Variants in DLGAP2 observed in about 807,000 individuals in gnomAD.
DLGAP2 encodes the protein disks large-associated protein 2.
In DLGAP2, 26 loss-of-function variants were observed where a neutral mutation model predicts 100.3. That is an observed-to-expected ratio of 0.26 (90% CI 0.19 to 0.36). The LOEUF (loss-of-function observed/expected upper bound fraction) is 0.36. DLGAP2 is among the 10% of genes least tolerant of loss of function. DLGAP2 has a pLI of 1.00. For missense variants in DLGAP2, 1,858 were observed against 1,453.2 expected, an observed-to-expected ratio of 1.28 and a Z score of -4.53; for synonymous variants, 886 against 630.1, an observed-to-expected ratio of 1.41 and a Z score of -6.08.
At chr8:831,638 C>T (rs1368473922) in intron 1 of DLGAP2, among the ~76,000 whole-genome samples, 16 of 152,064 alleles carry the variant, frequency 1.1e-4, no homozygotes, top group Non-Finnish European at 8.8e-5. Flanking sequence ...GGGTTGGTTC[C>T]AAGTCTTTGC....
At chr8:1,448,096 C>A (rs1475198628) in intron 3 of DLGAP2, among the ~76,000 whole-genome samples, 1 of 152,120 alleles carries the variant, frequency 6.6e-6, no homozygotes, top group East Asian at 1.9e-4. Context: ...TTCAGTTCTG[C>A]TCTGATTTTA....
intron 3 of DLGAP2, among the ~76,000 whole-genome samples, chr8:1,420,612 C>G (rs968071203): frequency 6.6e-6 from 1 of 152,170 alleles, no homozygotes; most frequent in Non-Finnish European, 1.5e-5. Flanking sequence ...ATGTCAAAGC[C>G]TGTGGGTCAA....
intron 2 of DLGAP2, among the ~76,000 whole-genome samples, chr8:989,142 A>G (rs1301529722): frequency 2.0e-5 from 3 of 152,088 alleles, no homozygotes. Flanking sequence ...CCTGCGCGGC[A>G]CCACCTTGCC....
intron 2 of DLGAP2, among the ~76,000 whole-genome samples, chr8:943,330 A>ATTTT (rs1799237545): frequency 1.3e-5 from 2 of 152,142 alleles, no homozygotes. Flanking sequence ...GAGATTTTAC[A>ATTTT]TTTTTTAATG....
At chr8:1,039,841 CAT>C (rs1802266831) in intron 2 of DLGAP2, among the ~76,000 whole-genome samples, 6 of 145,678 alleles carry the variant, frequency 4.1e-5, no homozygotes, top group Non-Finnish European at 1.5e-5. Flanking sequence ...GCTCGGTGTG[CAT>C]GTTCAGCTCG....
In DLGAP2 at chr8:1,633,025, T is replaced by C; in HGVS notation, c.1789T>C (p.Ser597Pro). Reference protein sequence around the residue: ...IPMMTPSDITSTIRSTAAVSY... With the variant: ...IPMMTPSDITPTIRSTAAVSY... ...CATGATGACACCCTCTGACATCACC[T>C]CCACCATCAGGTCAACAGCAGGTAA... is the stretch of plus-strand genomic sequence containing the variant. Residue 597 changes from serine (S) to proline (P), a missense_variant, in exon 8 of 15, where the codon TCC becomes CCC. Ser to Pro is a moderately conservative substitution (Grantham distance 74). Coordinates refer to ENST00000637795, the MANE Select transcript of DLGAP2 (RefSeq NM_001346810.2). The C allele has an allele frequency of 1.2e-6, 2 of 1,613,876 alleles. No homozygotes were observed. Among genetic ancestry groups the C allele is most frequent in the Non-Finnish European group, 1.7e-6 (2 of 1,179,884 alleles).
chr8:1,501,910 C>A (rs1344254906), intron 4 of DLGAP2, among the ~76,000 whole-genome samples: 1 of 152,168 alleles, frequency 6.6e-6, no homozygotes, highest in Non-Finnish European at 1.5e-5. Flanking sequence ...GACACACTTT[C>A]CCCGATGCTG....
At chr8:1,530,656 A>G (rs1209623478) in intron 4 of DLGAP2, among the ~76,000 whole-genome samples, 2 of 152,228 alleles carry the variant, frequency 1.3e-5, no homozygotes, top group Non-Finnish European at 2.9e-5. Flanking sequence ...TGCAGTAAAG[A>G]CAGGCATAAG....
intron 1 of DLGAP2, among the ~76,000 whole-genome samples, chr8:805,395 C>A (rs974827468): frequency 5.3e-5 from 8 of 152,086 alleles, no homozygotes; most frequent in African/African-American, 1.7e-4. Context: ...GGCTTTCTTC[C>A]TATGGTGCTT....
At chr8:848,057 T>C (rs749898633) in intron 1 of DLGAP2, among the ~76,000 whole-genome samples, 2 of 152,208 alleles carry the variant, frequency 1.3e-5, no homozygotes, top group Non-Finnish European at 2.9e-5. Flanking sequence ...CTGTGTTTCC[T>C]GTTGCCCTGC....
intron 3 of DLGAP2, among the ~76,000 whole-genome samples, chr8:1,464,433 C>A (rs1798562328): frequency 7.0e-6 from 1 of 142,348 alleles, no homozygotes; most frequent in African/African-American, 2.6e-5. Context: ...AGGCTGGCTT[C>A]CTTCCAGCTG....
At position 1,614,099 on chromosome 8, in the gene DLGAP2, C is replaced by G. The variant is rs1051135770; in HGVS notation, c.1443-12641C>G. Among the ~76,000 whole-genome samples, 6 of 152,258 alleles carry G rather than the reference C, an allele frequency of 3.9e-5. No homozygotes were observed. The South Asian group carries it at 8.3e-4, about 21-fold the overall frequency. On this transcript the variant is annotated intron_variant, in intron 6 of 14. Transcript: ENST00000637795. Reference sequence around the variant, plus strand: ...GGCTGGTTCACTGCAAGTGTATGCCCTGGCTTCAGCGGTGACTGAGCCCTC... The same window carrying G: ...GGCTGGTTCACTGCAAGTGTATGCCGTGGCTTCAGCGGTGACTGAGCCCTC...
intron 3 of DLGAP2, among the ~76,000 whole-genome samples, chr8:1,370,886 C>A (rs559359191): frequency 1.3e-5 from 2 of 152,316 alleles, no homozygotes; most frequent in East Asian, 3.9e-4. Context: ...TGAATAAGTT[C>A]ATCTGTGTGT....
intron 2 of DLGAP2, among the ~76,000 whole-genome samples, chr8:1,249,568 G>A (rs1798991347): frequency 6.6e-6 from 1 of 152,096 alleles, no homozygotes. Flanking sequence ...TTCCTTATAC[G>A]ACTGAATGGC....
chr8:1,503,016 G>A (rs879690159), intron 4 of DLGAP2, among the ~76,000 whole-genome samples: 1 of 152,122 alleles, frequency 6.6e-6, no homozygotes, highest in Non-Finnish European at 1.5e-5. Context: ...TTCTGACCCT[G>A]GACTCCGTGG....
chr8:1,549,019 C>G lies in DLGAP2; in HGVS notation c.566C>G (p.Pro189Arg), dbSNP rs1427923036. Residue 189 changes from proline (P) to arginine (R), a missense_variant, in exon 5 of 15, where the codon CCG (proline) becomes CGG (arginine). Physicochemically the swap from Pro to Arg is moderately radical, Grantham distance 103. Coordinates refer to ENST00000637795, the MANE Select transcript of DLGAP2 (RefSeq NM_001346810.2). ...GCGGGCGCCAAGATCAACCGCATCC[C>G]GGCCAACCTGCTGGACCAGTTCGAG... ...AHAGAKINRI[P>R]ANLLDQFEKQ... The G allele has an allele frequency of 1.3e-6, 2 of 1,596,982 alleles. No individual in the cohort carries two copies. Among genetic ancestry groups the G allele is most frequent in the Non-Finnish European group, 1.7e-6 (2 of 1,177,352 alleles).
chr8:1,292,003 AG>A (rs1380826337), intron 3 of DLGAP2, among the ~76,000 whole-genome samples: 3 of 152,252 alleles, frequency 2.0e-5, no homozygotes, highest in African/African-American at 7.2e-5. Flanking sequence ...AGATGTGGAA[AG>A]CAAATGCTAG....
intron 8 of DLGAP2, among the ~76,000 whole-genome samples, chr8:1,644,781 A>G (rs572353595): frequency 1.5e-4 from 23 of 152,384 alleles, no homozygotes; most frequent in Admixed American, 1.4e-3. Context: ...TCAGGAATAT[A>G]TTTAAAATGT....
At chr8:1,066,874 A>G (rs975006244) in intron 2 of DLGAP2, among the ~76,000 whole-genome samples, 4 of 152,184 alleles carry the variant, frequency 2.6e-5, no homozygotes, top group Admixed American at 2.0e-4. Flanking sequence ...CTCAGTCCCA[A>G]TTTCTTCTTA....
Sources: allele counts gnomAD v4.1 joint callset (sites outside exome capture counted in the v4.1 genomes callset), GRCh38; gene constraint gnomAD v4.1.1; transcripts MANE v1.5; gene names NCBI Gene and HGNC (gene_info 2026-07-23, HGNC 2026-07-21).